Variants in TUBGCP3 observed in about 807,000 individuals in gnomAD.
TUBGCP3 encodes the protein gamma-tubulin complex component 3.
Under a neutral mutation model 123.1 loss-of-function variants are expected in TUBGCP3, and 50 were observed. The observed-to-expected ratio is 0.41, with a 90% CI of 0.32 to 0.51. The LOEUF (loss-of-function observed/expected upper bound fraction) is 0.51. TUBGCP3 is among the 20% of genes least tolerant of loss of function. The probability of loss-of-function intolerance (pLI) is 0.36; values close to 1 mark genes in which losing one functional copy is unlikely to be tolerated. For missense variants in TUBGCP3, 882 were observed against 1,127.0 expected, an observed-to-expected ratio of 0.78 and a Z score of 3.11; for synonymous variants, 405 against 413.9, an observed-to-expected ratio of 0.98 and a Z score of 0.26.
At chr13:112,533,452 CACAG>C (rs905722423) in intron 11 of TUBGCP3, among the ~76,000 whole-genome samples, 8 of 152,134 alleles carry the variant, frequency 5.3e-5, no homozygotes, top group Non-Finnish European at 1.0e-4. Context: ...TAACCAGGGC[CACAG>C]ACAGACAGCA....
At chr13:112,587,749 C>A (rs910150316) in intron 1 of TUBGCP3, among the ~76,000 whole-genome samples, 156 bp downstream of exon 1, 1 of 152,154 alleles carries the variant, frequency 6.6e-6, no homozygotes, top group African/African-American at 2.4e-5. Context: ...CAGCCCTCCG[C>A]TCCCTCGTCC....
At chr13:112,589,773 T>A, upstream of TUBGCP3, among the ~76,000 whole-genome samples, 1 of 152,212 alleles carries the variant, frequency 6.6e-6, no homozygotes, top group East Asian at 1.9e-4. Flanking sequence ...TAGCAGGTAG[T>A]ATAGCAAACA....
intron 2 of TUBGCP3, among the ~76,000 whole-genome samples, chr13:112,566,882 T>C (rs7997172): frequency 0.1 from 15,205 of 152,276 alleles, 982 homozygotes; most frequent in African/African-American, 0.18. Context: ...CATGATGACT[T>C]TTGCAATTTG....
intron 21 of TUBGCP3, among the ~76,000 whole-genome samples, chr13:112,488,811 T>C (rs1161430020): frequency 4.2e-4 from 30 of 71,106 alleles, no homozygotes; most frequent in African/African-American, 4.6e-4. Context: ...AGCAAAGGGG[T>C]CACCCCCAGG....
intron 2 of TUBGCP3, 80 bp from the exon 3 acceptor site, chr13:112,565,258 C>T: frequency 8.2e-7 from 1 of 1,219,818 alleles, no homozygotes; most frequent in South Asian, 1.3e-5. Flanking sequence ...ACCTACAACA[C>T]CATAACTCGC....
chr13:112,592,519 G>A (rs561830749), upstream of TUBGCP3, among the ~76,000 whole-genome samples: 1 of 152,332 alleles, frequency 6.6e-6, no homozygotes, highest in South Asian at 2.1e-4. The surrounding 1 kb of genome is among the most constrained non-coding windows in gnomAD (Gnocchi z 4.1). Context: ...GCAGTGAAGG[G>A]ATACTGTCTC....
intron 8 of TUBGCP3, among the ~76,000 whole-genome samples, chr13:112,549,907 T>G (rs1320289519): frequency 2.0e-5 from 3 of 149,136 alleles, no homozygotes; most frequent in Non-Finnish European, 4.4e-5. Flanking sequence ...GGAGAATGGC[T>G]TGAACACAGG....
intron 3 of TUBGCP3, among the ~76,000 whole-genome samples, chr13:112,559,952 T>C (rs1463779478): frequency 6.6e-6 from 1 of 151,118 alleles, no homozygotes; most frequent in African/African-American, 2.4e-5. Context: ...CTGGCCAACA[T>C]GGCGAAACCC....
chr13:112,529,102 C>T (rs1263864891), intron 11 of TUBGCP3, among the ~76,000 whole-genome samples: 1 of 152,206 alleles, frequency 6.6e-6, no homozygotes, highest in Non-Finnish European at 1.5e-5. Context: ...ATCTGCCTGC[C>T]TCAGCCTCCC....
chr13:112,551,649 A>G (rs1484723859), intron 8 of TUBGCP3, among the ~76,000 whole-genome samples: 1 of 152,232 alleles, frequency 6.6e-6, no homozygotes, highest in Admixed American at 6.5e-5. Flanking sequence ...TCTACTAGTC[A>G]GGGCAACTTG....
intron 8 of TUBGCP3, among the ~76,000 whole-genome samples, chr13:112,552,626 C>G (rs1470905668): frequency 2.6e-5 from 4 of 152,226 alleles, no homozygotes; most frequent in Non-Finnish European, 1.5e-5. Flanking sequence ...TTGTGGCCAA[C>G]AGAAGATAAC....
Position 112,545,995 on chromosome 13 carries a change from C to A in TUBGCP3, c.1169-130G>T. ...AGCATTTGTTTTCTTACAGTTAATA[C>A]CACTTTGGACCTAGAAGCAGCAGTA... On this transcript the variant is annotated intron_variant, in intron 10 of 21. Coordinates refer to ENST00000261965, the MANE Select transcript of TUBGCP3 (RefSeq NM_006322.6). This position sits in a 1 kb window ranked among gnomAD's most constrained non-coding sequence, Gnocchi z 4.1. The A allele has an allele frequency of 1.1e-6, 1 of 948,856 alleles. No homozygotes were observed. Among genetic ancestry groups the A allele is most frequent in the South Asian group, 1.8e-5 (1 of 55,092 alleles). 58.8% of individuals were successfully genotyped at this position (948,856 alleles called of 1,614,324 possible).
chr13:112,597,860 G>A, the TUBGCP3 span, among the ~76,000 whole-genome samples: 2 of 152,114 alleles, frequency 1.3e-5, no homozygotes, highest in African/African-American at 4.8e-5. Flanking sequence ...TCCAGAAGGA[G>A]GGGAGAGAGA....
At chr13:112,525,562 C>A (rs1344267948) in intron 13 of TUBGCP3, among the ~76,000 whole-genome samples, 1 of 152,170 alleles carries the variant, frequency 6.6e-6, no homozygotes, top group Non-Finnish European at 1.5e-5. Context: ...ATATAAATAG[C>A]AAATACAGCC....
At chr13:112,534,501 CGCACCACT>C (rs1877872513) in intron 11 of TUBGCP3, among the ~76,000 whole-genome samples, 1 of 151,712 alleles carries the variant, frequency 6.6e-6, no homozygotes, top group African/African-American at 2.4e-5. Context: ...GAGTCGAGAT[CGCACCACT>C]GCACTCCAGC....
intron 3 of TUBGCP3, among the ~76,000 whole-genome samples, chr13:112,561,418 C>T (rs543231616): frequency 6.6e-6 from 1 of 152,316 alleles, no homozygotes; most frequent in Admixed American, 6.5e-5. Flanking sequence ...AATGAGAGAA[C>T]AAAGGACAGC....
intron 16 of TUBGCP3, among the ~76,000 whole-genome samples, chr13:112,517,368 G>GT (rs1876225830): frequency 6.6e-6 from 1 of 152,156 alleles, no homozygotes; most frequent in South Asian, 2.1e-4. Context: ...ATTAGCAATT[G>GT]TTTATGTACA....
At chr13:112,555,977 C>T (rs1260080075) in intron 6 of TUBGCP3, 75 bp downstream of exon 6, 1 of 1,507,250 alleles carries the variant, frequency 6.6e-7, no homozygotes, top group East Asian at 2.3e-5. Flanking sequence ...GGCTCCTGGG[C>T]TGTACTTTAA....
At chr13:112,494,459 C>T (rs1312540242) in intron 20 of TUBGCP3, among the ~76,000 whole-genome samples, 1 of 152,168 alleles carries the variant, frequency 6.6e-6, no homozygotes, top group African/African-American at 2.4e-5. Context: ...TAAAATTAGC[C>T]AGTGCTGCCT....
Sources: gnomAD v4.1 joint callset for allele counts (sites outside exome capture counted in the v4.1 genomes callset) on GRCh38, gnomAD v4.1.1 for gene constraint, Gnocchi (gnomAD v3.1) non-coding constraint, MANE v1.5 for transcripts, NCBI Gene and HGNC (gene_info 2026-07-23, HGNC 2026-07-21) for gene names.